The following GNG2 variants were observed in gnomAD, a reference collection of about 807,000 sequenced individuals.
GNG2 encodes guanine nucleotide-binding protein G(I)/G(S)/G(O) subunit gamma-2.
In GNG2, 5 loss-of-function variants were observed where a neutral mutation model predicts 5.5. The ratio of observed to expected loss-of-function variants is 0.91; its 90% CI spans 0.48 to 1.92. GNG2 has a LOEUF of 1.92. GNG2 is among the 30% of genes most tolerant of loss of function. The pLI, the probability that GNG2 is intolerant of heterozygous loss-of-function variation, is 0.01. For synonymous variants in GNG2, 28 were observed against 32.0 expected (o/e 0.88, Z 0.42); for missense variants, 55 against 88.4 (o/e 0.62, Z 1.52).
chr14:51,853,797 G>A (rs1882021553), intron 2 of GNG2, among the ~76,000 whole-genome samples: 1 of 152,050 alleles, frequency 6.6e-6, no homozygotes, highest in African/African-American at 2.4e-5. Flanking sequence ...AAGGCTTTGT[G>A]GGTGCACAGT....
At chr14:51,908,407 A>C (rs185764489) in intron 2 of GNG2, among the ~76,000 whole-genome samples, 259 of 152,336 alleles carry the variant, frequency 1.7e-3, no homozygotes, top group African/African-American at 5.4e-3. Context: ...GCTGGCTACC[A>C]CAGGCCCAAA....
At chr14:51,892,969 C>T (rs1173819697) in intron 2 of GNG2, among the ~76,000 whole-genome samples, 6 of 152,126 alleles carry the variant, frequency 3.9e-5, no homozygotes. Flanking sequence ...CAGAATTCAC[C>T]TAGCTTGTAG....
At chr14:51,886,252 C>T (rs1311372348) in intron 2 of GNG2, among the ~76,000 whole-genome samples, 1 of 152,184 alleles carries the variant, frequency 6.6e-6, no homozygotes, top group Non-Finnish European at 1.5e-5. Flanking sequence ...AATGTATCTA[C>T]CACATTCACT....
intron 2 of GNG2, among the ~76,000 whole-genome samples, chr14:51,835,520 C>A (rs1413150155): frequency 6.6e-6 from 1 of 152,194 alleles, no homozygotes; most frequent in African/African-American, 2.4e-5. Context: ...CACACCACCC[C>A]CTACCTTTGA....
rs115077618 is a variant in GNG2 at position 51,898,429 on chromosome 14, G to C, written c.-30+20772G>C. Among the ~76,000 whole-genome samples, 1,290 of 152,114 alleles carry C rather than the reference G, an allele frequency of 8.5e-3. 26 individuals are homozygous for C. The highest frequency in any genetic ancestry group is 0.03 in the African/African-American group (1,229 of 41,474). ...ACCTGGCCAGGAGAAATGATGGGATGGTTCTCAGAGCTCTTCCCTTGCTTC... is the reference window on the plus strand; with the variant it reads ...ACCTGGCCAGGAGAAATGATGGGATCGTTCTCAGAGCTCTTCCCTTGCTTC... On this transcript the variant is annotated intron_variant, in intron 2 of 3. Transcript: ENST00000556766.
intron 2 of GNG2, among the ~76,000 whole-genome samples, chr14:51,927,684 AAGC>A (rs1475668625): frequency 6.6e-6 from 1 of 152,192 alleles, no homozygotes; most frequent in African/African-American, 2.4e-5. Flanking sequence ...TTAAATAGGC[AAGC>A]CTGAAATCGT....
At chr14:51,901,752 G>A (rs71422044) in intron 2 of GNG2, among the ~76,000 whole-genome samples, 15,337 of 149,112 alleles carry the variant, frequency 0.1, 1,439 homozygotes, top group African/African-American at 0.25. Context: ...GAGAATGGGG[G>A]TGCAGGGGCA....
intron 2 of GNG2, among the ~76,000 whole-genome samples, chr14:51,945,383 G>T (rs1888583292): frequency 6.6e-6 from 1 of 152,182 alleles, no homozygotes; most frequent in Admixed American, 6.5e-5. Context: ...ATAGGCTCAA[G>T]TGTGGATGAA....
intron 3 of GNG2, among the ~76,000 whole-genome samples, chr14:51,966,350 T>C (rs1046358960): frequency 2.6e-5 from 4 of 152,152 alleles, no homozygotes; most frequent in Non-Finnish European, 5.9e-5. Flanking sequence ...TCACTCACCT[T>C]AACCTAGTCC....
chr14:51,832,005 G>A (rs1881207041), intron 2 of GNG2, among the ~76,000 whole-genome samples: 1 of 152,126 alleles, frequency 6.6e-6, no homozygotes, highest in African/African-American at 2.4e-5. Flanking sequence ...GGGAGGCTGG[G>A]CTGGCAGCTT....
Position 51,914,875 on chromosome 14 carries a change from T to C in GNG2, c.-29-35775T>C, listed in dbSNP as rs114911569. Among the ~76,000 whole-genome samples the C allele has an allele frequency of 2.5e-3, 388 of 152,240 alleles. 1 individual carries two copies. Among genetic ancestry groups the C allele is most frequent in the African/African-American group, 9.0e-3 (374 of 41,538 alleles). ...TGGAAGAAACCTGAAGATGGTACGATTGGGGTCTCAATTGGGGGGAAATGG... is the reference window on the plus strand; with the variant it reads ...TGGAAGAAACCTGAAGATGGTACGACTGGGGTCTCAATTGGGGGGAAATGG... On this transcript the variant is annotated intron_variant, in intron 2 of 3. Coordinates refer to ENST00000556766, the MANE Select transcript of GNG2 (RefSeq NM_053064.5).
At chr14:51,939,365 G>A (rs1327024825) in intron 2 of GNG2, among the ~76,000 whole-genome samples, 3 of 152,186 alleles carry the variant, frequency 2.0e-5, no homozygotes, top group Admixed American at 1.3e-4. Flanking sequence ...TGTCAGGGTT[G>A]TTAGAAACAG....
At chr14:51,884,305 G>A (rs954926332) in intron 2 of GNG2, among the ~76,000 whole-genome samples, 1 of 152,236 alleles carries the variant, frequency 6.6e-6, no homozygotes, top group African/African-American at 2.4e-5. Context: ...GGATGTTAAT[G>A]TGTAGTTTTA....
At chr14:51,958,422 GTCTC>G (rs770431728) in intron 3 of GNG2, among the ~76,000 whole-genome samples, 4 of 134,360 alleles carry the variant, frequency 3.0e-5, no homozygotes, top group Non-Finnish European at 6.5e-5. Context: ...CAATCAGTCT[GTCTC>G]TCTCTCTTCC....
At chr14:51,942,601 T>TCTTTCTTTCTTTCTTTCTTTC (rs1277558601) in intron 2 of GNG2, among the ~76,000 whole-genome samples, 8 of 15,388 alleles carry the variant, frequency 5.2e-4, no homozygotes, top group South Asian at 1.6e-3. Context: ...TTTTTTTTTT[T>TCTTTCTTTCTTTCTTTCTTTC]TTTTTAGAGA....
chr14:51,931,597 G>C (rs971046950), intron 2 of GNG2, among the ~76,000 whole-genome samples: 1 of 152,156 alleles, frequency 6.6e-6, no homozygotes, highest in Non-Finnish European at 1.5e-5. Flanking sequence ...CAAACACTCT[G>C]AGACCTGGGG....
At chr14:51,940,146 T>C (rs1269967) in intron 2 of GNG2, 149,545 of 152,340 alleles carry the variant, frequency 0.98, 73,419 homozygotes, top group Middle Eastern at 0.99. Context: ...AAAATCTAAT[T>C]TCTGGAAATG....
intron 2 of GNG2, among the ~76,000 whole-genome samples, chr14:51,931,556 T>G (rs1253698): frequency 0.57 from 85,843 of 151,764 alleles, 24,733 homozygotes; most frequent in African/African-American, 0.65. Flanking sequence ...ATCACTGAGG[T>G]GGGTGAGTGT....
At chr14:51,898,716 G>A (rs1308588272) in intron 2 of GNG2, among the ~76,000 whole-genome samples, 2 of 152,202 alleles carry the variant, frequency 1.3e-5, no homozygotes, top group African/African-American at 4.8e-5. Context: ...TCCAACCTCT[G>A]AGATGAGGAA....
Sources: gnomAD v4.1 joint callset for allele counts (sites outside exome capture counted in the v4.1 genomes callset) on GRCh38, gnomAD v4.1.1 for gene constraint, MANE v1.5 for transcripts, NCBI Gene and HGNC (gene_info 2026-07-23, HGNC 2026-07-21) for gene names.